Variants in POLA1 observed in about 807,000 individuals in gnomAD.
The protein encoded by POLA1 is DNA polymerase alpha catalytic subunit.
A neutral mutation model predicts 124.0 loss-of-function variants in POLA1; 15 were observed. That is an observed-to-expected ratio of 0.12 (90% CI 0.08 to 0.19). The LOEUF (loss-of-function observed/expected upper bound fraction) is 0.19. Ranked by LOEUF, POLA1 falls within the 10% of genes least tolerant of loss-of-function variation. POLA1 has a pLI of 1.00. For synonymous variants in POLA1, 408 were observed against 389.4 expected (o/e 1.05, Z -0.56); for missense variants, 886 against 1,103.4 (o/e 0.80, Z 2.79).
At chrX:24,752,983 T>C (rs1253377369) in intron 26 of POLA1, among the ~76,000 whole-genome samples, 1 of 111,549 alleles carries the variant, frequency 9.0e-6, no homozygotes, top group Non-Finnish European at 1.9e-5. Context: ...AATTTGTTTT[T>C]TTATTGCGAA....
In POLA1 at chrX:24,946,752, T is replaced by G. The variant is rs734305; in HGVS notation, c.4261+16203T>G. Among the ~76,000 whole-genome samples, 4 of 110,767 alleles carry G rather than the reference T, an allele frequency of 3.6e-5. No homozygotes were observed. In the South Asian group the frequency reaches 1.5e-3, roughly 42 times the overall value. ...CAGGGATCATGCTTGATACATTATT[T>G]TATGTCTGATGGCAACTTGCTCATG... On this transcript the variant is annotated intron_variant, in intron 36 of 36. Coordinates refer to ENST00000379068, the MANE Select transcript of POLA1 (RefSeq NM_001330360.2).
chrX:24,865,545 C>G (rs1461236898), intron 34 of POLA1, among the ~76,000 whole-genome samples: 1 of 111,850 alleles, frequency 8.9e-6, no homozygotes, highest in Non-Finnish European at 1.9e-5. Flanking sequence ...ATAATAGTAG[C>G]ATGAATAATT....
chrX:24,875,968 G>GA (rs1325597393), intron 34 of POLA1, among the ~76,000 whole-genome samples: 1 of 111,760 alleles, frequency 8.9e-6, no homozygotes, highest in East Asian at 2.8e-4. Flanking sequence ...GTGCCTCTTA[G>GA]AAAAAAACTG....
At chrX:24,955,497 C>G (rs1481414623) in intron 36 of POLA1, among the ~76,000 whole-genome samples, 2 of 111,256 alleles carry the variant, frequency 1.8e-5, no homozygotes, top group Non-Finnish European at 3.8e-5. Context: ...GATTAAGACA[C>G]AGTTTCTGCC....
intron 29 of POLA1, among the ~76,000 whole-genome samples, chrX:24,814,493 A>G (rs1164627811): frequency 8.9e-6 from 1 of 112,082 alleles, no homozygotes. Flanking sequence ...TTTTAAAAAA[A>G]TTTATGTAAA....
intron 26 of POLA1, among the ~76,000 whole-genome samples, chrX:24,764,934 A>G (rs1341168701): frequency 9.0e-6 from 1 of 110,870 alleles, no homozygotes; most frequent in African/African-American, 3.3e-5. Context: ...TCTCAACCCT[A>G]TATTTTTAAG....
intron 35 of POLA1, among the ~76,000 whole-genome samples, chrX:24,894,415 G>T (rs1459897355): frequency 8.9e-6 from 1 of 112,235 alleles, no homozygotes; most frequent in Non-Finnish European, 1.9e-5. Context: ...TTAGACCTAA[G>T]TGTAAGACTT....
chrX:24,975,246 G>C (rs965242842), intron 36 of POLA1, among the ~76,000 whole-genome samples: 12 of 112,343 alleles, frequency 1.1e-4, no homozygotes, highest in African/African-American at 3.5e-4. Flanking sequence ...TCCTGACCTC[G>C]TGATCCATCC....
intron 35 of POLA1, among the ~76,000 whole-genome samples, chrX:24,904,809 G>A (rs915262584): frequency 1.8e-5 from 2 of 111,306 alleles, no homozygotes; most frequent in Admixed American, 9.5e-5. Context: ...AGGATCACTC[G>A]AGGTCAGGAG....
At chrX:24,755,022 A>G (rs1293869683) in intron 26 of POLA1, among the ~76,000 whole-genome samples, 1 of 112,727 alleles carries the variant, frequency 8.9e-6, no homozygotes. Context: ...GAAGTAGACA[A>G]TACCACCTTT....
chrX:24,771,227 C>T (rs891153615), intron 26 of POLA1, among the ~76,000 whole-genome samples: 1 of 111,215 alleles, frequency 9.0e-6, no homozygotes, highest in Non-Finnish European at 1.9e-5. Context: ...TGGAGACCAC[C>T]TTCCCTTCCT....
In POLA1 at chrX:24,809,229, TTGTTAAATATG is replaced by T. The variant is rs1182773322; in HGVS notation, c.2965-663_2965-653del. Among the ~76,000 whole-genome samples the T allele has an allele frequency of 8.1e-5, 9 of 111,427 alleles. No homozygotes were observed. The South Asian group carries it at 1.2e-3, about 15-fold the overall frequency. ...ATATTACTATTTTTTAAGAGGCTGT[TTGTTAAATATG>T]TGTTACTTCTGATCTGGCTCAAAAT... On this transcript the variant is annotated intron_variant, in intron 26 of 36. Coordinates refer to ENST00000379068, the MANE Select transcript of POLA1 (RefSeq NM_001330360.2).
intron 1 of POLA1, 88 bp downstream of exon 1, chrX:24,694,092 G>T (rs1292381319): frequency 1.1e-6 from 1 of 909,414 alleles, no homozygotes; most frequent in Non-Finnish European, 1.5e-6. Flanking sequence ...CGCACACCCG[G>T]GTTTGTTTGG....
intron 36 of POLA1, among the ~76,000 whole-genome samples, chrX:24,987,122 G>T (rs1198306789): frequency 8.9e-6 from 1 of 112,240 alleles, no homozygotes; most frequent in Non-Finnish European, 1.9e-5. Context: ...CACTCTGAGG[G>T]AAACCAGCTG....
chrX:24,810,895 G>A (rs2045886969), intron 28 of POLA1, 95 bp downstream of exon 28: 1 of 454,361 alleles, frequency 2.2e-6, no homozygotes, highest in South Asian at 3.5e-5. Flanking sequence ...ATGAATGTGT[G>A]TGCTTCTGAA....
chrX:24,960,539 T>C (rs1483223393), intron 36 of POLA1, among the ~76,000 whole-genome samples: 1 of 111,622 alleles, frequency 9.0e-6, no homozygotes, highest in Non-Finnish European at 1.9e-5. Flanking sequence ...GAAAAATCGA[T>C]CCTTATAAGA....
intron 36 of POLA1, among the ~76,000 whole-genome samples, chrX:24,942,100 A>G (rs146511671): frequency 4.1e-4 from 46 of 111,897 alleles, no homozygotes; most frequent in Middle Eastern, 4.6e-3. Flanking sequence ...CTTCTGACCA[A>G]TTGCTTATTC....
intron 4 of POLA1, among the ~76,000 whole-genome samples, chrX:24,711,089 C>T (rs1366451821): frequency 3.6e-5 from 4 of 111,509 alleles, no homozygotes; most frequent in Admixed American, 2.8e-4. Context: ...CTCAAGCTAT[C>T]CTCCCACCTC....
chrX:24,813,673 G>A (rs775768379), intron 29 of POLA1, among the ~76,000 whole-genome samples: 16 of 111,206 alleles, frequency 1.4e-4, no homozygotes, highest in African/African-American at 5.2e-4. Context: ...TATTAGCCAG[G>A]CGTGGTGGCA....
Sources: gnomAD v4.1 joint callset for allele counts (sites outside exome capture counted in the v4.1 genomes callset) on GRCh38, gnomAD v4.1.1 for gene constraint, MANE v1.5 for transcripts, NCBI Gene and HGNC (gene_info 2026-07-23, HGNC 2026-07-21) for gene names.